The following SENP6 variants were observed in gnomAD, a reference collection of about 807,000 sequenced individuals.
SENP6 encodes the protein SUMO specific peptidase 6.
In SENP6, 41 loss-of-function variants were observed where a neutral mutation model predicts 134.5. That is an observed-to-expected ratio of 0.30 (90% CI 0.24 to 0.40). The LOEUF (loss-of-function observed/expected upper bound fraction) is 0.40. SENP6 is among the 10% of genes least tolerant of loss of function. SENP6 has a pLI of 1.00. For synonymous variants in SENP6, 395 were observed against 429.8 expected (o/e 0.92, Z 1.00); for missense variants, 1,248 against 1,312.5 (o/e 0.95, Z 0.76).
chr6:75,636,875 A>ATTT (rs57572863), intron 5 of SENP6, among the ~76,000 whole-genome samples: 1 of 143,320 alleles, frequency 7.0e-6, no homozygotes, highest in African/African-American at 2.6e-5. Flanking sequence ...TGAAGTCTTA[A>ATTT]TTTTTTTTTT....
chr6:75,650,555 T>G (rs544984325), intron 7 of SENP6, among the ~76,000 whole-genome samples: 3 of 152,300 alleles, frequency 2.0e-5, no homozygotes, highest in East Asian at 3.9e-4. Flanking sequence ...ACCTTCCTGA[T>G]ATATTTATTG....
At chr6:75,675,239 G>GAATGTT (rs1458255153) in intron 11 of SENP6, among the ~76,000 whole-genome samples, 196 bp from the exon 12 acceptor site, 1 of 152,048 alleles carries the variant, frequency 6.6e-6, no homozygotes, top group Non-Finnish European at 1.5e-5. Context: ...GATGTGACAA[G>GAATGTT]AATGTTAACA....
At chr6:75,714,812 A>G (rs991423839) in intron 23 of SENP6, among the ~76,000 whole-genome samples, 12 of 152,110 alleles carry the variant, frequency 7.9e-5, no homozygotes, top group Admixed American at 1.3e-4. Context: ...TGTTGCTTCT[A>G]TTATACCTTG....
chr6:75,613,462 ACAT>A (rs948502364), intron 1 of SENP6, among the ~76,000 whole-genome samples: 1 of 152,180 alleles, frequency 6.6e-6, no homozygotes, highest in African/African-American at 2.4e-5. Context: ...AGAGAAATAT[ACAT>A]GCACAAGGAA....
chr6:75,648,459 AT>A (rs1562004042), intron 7 of SENP6, among the ~76,000 whole-genome samples: 1 of 152,114 alleles, frequency 6.6e-6, no homozygotes, highest in South Asian at 2.1e-4. Context: ...AAATAGAATA[AT>A]TTTTAAAAGC....
At chr6:75,636,378 C>T (rs499527) in intron 5 of SENP6, among the ~76,000 whole-genome samples, 140,061 of 152,198 alleles carry the variant, frequency 0.92, 65,035 homozygotes, top group South Asian at 0.99. Flanking sequence ...CCAACTGCAG[C>T]ATGACTGTCA....
At chr6:75,671,854 GAA>G (rs991921328) in intron 11 of SENP6, among the ~76,000 whole-genome samples, 1 of 151,816 alleles carries the variant, frequency 6.6e-6, no homozygotes, top group African/African-American at 2.4e-5. Flanking sequence ...ATGATCAAAA[GAA>G]AAAAAATTGT....
intron 11 of SENP6, among the ~76,000 whole-genome samples, chr6:75,671,257 T>G (rs1772652218): frequency 6.6e-6 from 1 of 152,244 alleles, no homozygotes. Flanking sequence ...CTAGCCTTCT[T>G]AGTCATTATT....
chr6:75,632,274 G>A (rs546034255), intron 3 of SENP6, among the ~76,000 whole-genome samples: 6 of 152,182 alleles, frequency 3.9e-5, no homozygotes, highest in East Asian at 3.9e-4. Flanking sequence ...TTTTTGGAAC[G>A]CAATTGACTG....
intron 1 of SENP6, among the ~76,000 whole-genome samples, chr6:75,607,128 G>T (rs1767086849): frequency 6.6e-6 from 1 of 152,088 alleles, no homozygotes; most frequent in Non-Finnish European, 1.5e-5. Flanking sequence ...TGAGAGGATT[G>T]CTTGAGCCCA....
At chr6:75,657,336 C>T (rs1255938905) in intron 7 of SENP6, among the ~76,000 whole-genome samples, 1 of 152,104 alleles carries the variant, frequency 6.6e-6, no homozygotes, top group African/African-American at 2.4e-5. Context: ...GTAACTTAGC[C>T]TTCATAAAAA....
chr6:75,612,847 CT>C (rs1285141905), intron 1 of SENP6, among the ~76,000 whole-genome samples: 1 of 152,166 alleles, frequency 6.6e-6, no homozygotes, highest in Non-Finnish European at 1.5e-5. Flanking sequence ...GGCGCAGTGG[CT>C]CACGTCTGTA....
At position 75,716,081 on chromosome 6, in the gene SENP6, T is replaced by C. The variant is rs137877131; in HGVS notation, c.*487T>C. The C allele has an allele frequency of 6.9e-4, 105 of 152,672 alleles. No homozygotes were observed. The highest frequency in any genetic ancestry group is 2.4e-3 in the African/African-American group (101 of 41,572). 9.5% of individuals were successfully genotyped at this position (152,672 alleles called of 1,614,324 possible). On this transcript the variant is annotated 3_prime_UTR_variant, in exon 24 of 24. Coordinates refer to ENST00000447266, the MANE Select transcript of SENP6 (RefSeq NM_015571.4). ...TAAGATATTTTGAACTAAGCATCTT[T>C]ATATGCTTGTGTAACAGGAACAAAG...
chr6:75,625,832 GCA>G (rs1487559085), intron 3 of SENP6, among the ~76,000 whole-genome samples: 1 of 152,176 alleles, frequency 6.6e-6, no homozygotes, highest in Non-Finnish European at 1.5e-5. Context: ...TTGCGCCACT[GCA>G]CTCCAGCCTG....
intron 3 of SENP6, among the ~76,000 whole-genome samples, chr6:75,633,109 A>G (rs1769234488): frequency 6.6e-6 from 1 of 152,182 alleles, no homozygotes; most frequent in South Asian, 2.1e-4. Flanking sequence ...TGTTTATATT[A>G]TTATTTGCAT....
chr6:75,678,413 G>A (rs572384006), intron 14 of SENP6, 170 bp from the exon 15 acceptor site: 3 of 531,624 alleles, frequency 5.6e-6, no homozygotes, highest in Non-Finnish European at 6.6e-6. Flanking sequence ...TAAGAAAGTG[G>A]CCCCTAGTTT....
intron 19 of SENP6, among the ~76,000 whole-genome samples, chr6:75,706,688 G>A (rs1562074291): frequency 6.6e-6 from 1 of 152,084 alleles, no homozygotes; most frequent in Non-Finnish European, 1.5e-5. Context: ...TTTAGTATGT[G>A]TATACCATAT....
chr6:75,701,529 C>G (rs1469270438), intron 18 of SENP6, among the ~76,000 whole-genome samples: 1 of 150,300 alleles, frequency 6.7e-6, no homozygotes, highest in African/African-American at 2.4e-5. Context: ...CCTTTCCTAT[C>G]TTAATAACAC....
At chr6:75,654,687 A>C (rs1771174318) in intron 7 of SENP6, among the ~76,000 whole-genome samples, 1 of 152,236 alleles carries the variant, frequency 6.6e-6, no homozygotes, top group South Asian at 2.1e-4. Context: ...TAAAGATAAC[A>C]GTTTGTATTC....
Sources: gnomAD v4.1 joint callset for allele counts (sites outside exome capture counted in the v4.1 genomes callset) on GRCh38, gnomAD v4.1.1 for gene constraint, MANE v1.5 for transcripts, NCBI Gene and HGNC (gene_info 2026-07-23, HGNC 2026-07-21) for gene names.